ASTN2: variants seen among roughly 807,000 people sequenced by gnomAD.
ASTN2 encodes the protein astrotactin 2, also known as astrotactin-2.
A neutral mutation model predicts 139.8 loss-of-function variants in ASTN2; 54 were observed. The observed-to-expected ratio is 0.39, with a 90% CI of 0.31 to 0.48. The LOEUF is 0.48. Among genes scored for constraint, ASTN2 ranks in the 20% least tolerant of loss-of-function variants. The probability of loss-of-function intolerance (pLI) is 0.95; values close to 1 mark genes in which losing one functional copy is unlikely to be tolerated. For synonymous variants in ASTN2, 756 were observed against 719.5 expected, an observed-to-expected ratio of 1.05 and a Z score of -0.81; for missense variants, 1,565 against 1,725.1, an observed-to-expected ratio of 0.91 and a Z score of 1.64.
At chr9:117,160,708 A>C (rs1043423738) in intron 3 of ASTN2, among the ~76,000 whole-genome samples, 2 of 152,078 alleles carry the variant, frequency 1.3e-5, no homozygotes, top group Non-Finnish European at 2.9e-5. Context: ...GTAGGCACTC[A>C]GTAAGATTTC....
chr9:117,279,381 C>T (rs181891598), intron 2 of ASTN2, among the ~76,000 whole-genome samples: 33 of 152,238 alleles, frequency 2.2e-4, no homozygotes, highest in East Asian at 5.8e-4. Context: ...TTTGTGAAAA[C>T]GGAACAGTAA....
At chr9:116,548,914 G>A (rs1028639537) in intron 19 of ASTN2, among the ~76,000 whole-genome samples, 3 of 152,196 alleles carry the variant, frequency 2.0e-5, no homozygotes, top group African/African-American at 7.2e-5. Context: ...CTAGATCCAT[G>A]ACCCTAAATA....
rs28433592 is a variant in ASTN2 at position 117,154,764 on chromosome 9, C to T, written c.1016-13286G>A. Among the ~76,000 whole-genome samples the T allele has an allele frequency of 4.0e-3, 613 of 152,156 alleles. 6 individuals are homozygous for T. The highest frequency in any genetic ancestry group is 0.014 in the African/African-American group (574 of 41,528). ...TCCTGGTTCTGCCTGTTAGCATCTG[C>T]TTACCCTTGAGTACAATGACATTGA... is the stretch of plus-strand genomic sequence containing the variant. On this transcript the variant is annotated intron_variant, in intron 3 of 22. Coordinates refer to ENST00000313400, the MANE Select transcript of ASTN2 (RefSeq NM_001365068.1).
At chr9:117,232,154 G>A (rs1488269313) in intron 2 of ASTN2, among the ~76,000 whole-genome samples, 1 of 152,134 alleles carries the variant, frequency 6.6e-6, no homozygotes, top group African/African-American at 2.4e-5. Context: ...GCATCTAGGA[G>A]CCTCATTTTA....
intron 19 of ASTN2, among the ~76,000 whole-genome samples, chr9:116,544,668 T>G (rs1324400555): frequency 6.6e-6 from 1 of 152,156 alleles, no homozygotes; most frequent in Non-Finnish European, 1.5e-5. Flanking sequence ...GGAACAAAGT[T>G]AAGGACATAC....
chr9:117,273,490 C>T (rs6478300), intron 2 of ASTN2, among the ~76,000 whole-genome samples: 3 of 152,008 alleles, frequency 2.0e-5, no homozygotes, highest in Admixed American at 6.5e-5. Flanking sequence ...AGATAAGGGA[C>T]GAGTGTGTGA....
chr9:117,178,293 C>T (rs1207071608), intron 3 of ASTN2, among the ~76,000 whole-genome samples: 3 of 152,188 alleles, frequency 2.0e-5, no homozygotes, highest in Admixed American at 1.3e-4. Context: ...TTGAGCACTG[C>T]TGTGTCCCTG....
intron 1 of ASTN2, among the ~76,000 whole-genome samples, chr9:117,364,685 G>T (rs1829785973): frequency 1.3e-5 from 2 of 152,116 alleles, no homozygotes; most frequent in African/African-American, 4.8e-5. Flanking sequence ...TTATAACCCT[G>T]AGAAAAGCAT....
At chr9:116,523,573 C>T (rs916173893) in intron 19 of ASTN2, among the ~76,000 whole-genome samples, 1 of 151,958 alleles carries the variant, frequency 6.6e-6, no homozygotes, top group African/African-American at 2.4e-5. Flanking sequence ...TAAGGACTGG[C>T]GATATGATAT....
intron 2 of ASTN2, among the ~76,000 whole-genome samples, chr9:117,270,311 A>T (rs554622374): frequency 6.6e-6 from 1 of 152,290 alleles, no homozygotes; most frequent in East Asian, 1.9e-4. Context: ...CTTGGCTGAA[A>T]CTTTATACCT....
At chr9:116,817,268 T>G (rs1433962252) in intron 12 of ASTN2, among the ~76,000 whole-genome samples, 1 of 150,176 alleles carries the variant, frequency 6.7e-6, no homozygotes, top group East Asian at 2.0e-4. Context: ...CACTCCAGCC[T>G]GGGTGACAGA....
At chr9:116,946,637 G>A (rs1835401936) in intron 10 of ASTN2, among the ~76,000 whole-genome samples, 1 of 152,084 alleles carries the variant, frequency 6.6e-6, no homozygotes, top group African/African-American at 2.4e-5. Context: ...GGTGTGTGAG[G>A]GGTTGAAGGG....
At chr9:117,205,524 C>G (rs1291901097) in intron 3 of ASTN2, among the ~76,000 whole-genome samples, 1 of 152,114 alleles carries the variant, frequency 6.6e-6, no homozygotes, top group Admixed American at 6.5e-5. Context: ...AATCTATACT[C>G]TCATCTACAT....
At chr9:117,008,775 T>G (rs185915136) in intron 6 of ASTN2, among the ~76,000 whole-genome samples, 6 of 152,364 alleles carry the variant, frequency 3.9e-5, no homozygotes, top group Non-Finnish European at 7.3e-5. Context: ...GGGTCATTGA[T>G]GTCCACAGGG....
chr9:117,141,087 C>T (rs567424156), intron 4 of ASTN2, among the ~76,000 whole-genome samples: 1 of 152,250 alleles, frequency 6.6e-6, no homozygotes, highest in East Asian at 1.9e-4. Context: ...TAATCTCAAT[C>T]ACTGTAAAAT....
At chr9:116,499,931 C>G (rs1849798159) in intron 19 of ASTN2, among the ~76,000 whole-genome samples, 1 of 152,136 alleles carries the variant, frequency 6.6e-6, no homozygotes, top group South Asian at 2.1e-4. Context: ...GAATGCTCAT[C>G]AAGTTCTCCA....
intron 19 of ASTN2, among the ~76,000 whole-genome samples, chr9:116,580,131 C>T (rs62576117): frequency 0.14 from 21,684 of 152,220 alleles, 1,664 homozygotes; most frequent in Middle Eastern, 0.19. Flanking sequence ...GTCACATTAT[C>T]TTTAAAGTAA....
intron 19 of ASTN2, among the ~76,000 whole-genome samples, chr9:116,525,401 T>A (rs1851048654): frequency 6.6e-6 from 1 of 152,174 alleles, no homozygotes; most frequent in Non-Finnish European, 1.5e-5. Context: ...AGATGTGGCA[T>A]AGGAGGAAGC....
chr9:117,358,652 C>A (rs1445795273), intron 1 of ASTN2, among the ~76,000 whole-genome samples: 1 of 152,070 alleles, frequency 6.6e-6, no homozygotes, highest in Non-Finnish European at 1.5e-5. Context: ...ACAGGCAGTG[C>A]CTGAAAGTGA....
Sources: gnomAD v4.1 joint callset for allele counts (sites outside exome capture counted in the v4.1 genomes callset) on GRCh38, gnomAD v4.1.1 for gene constraint, MANE v1.5 for transcripts, NCBI Gene and HGNC (gene_info 2026-07-23, HGNC 2026-07-21) for gene names.